The following FAM193A variants were observed in gnomAD, a reference collection of about 807,000 sequenced individuals.
The protein encoded by FAM193A is protein FAM193A.
FAM193A carries 22 observed loss-of-function variants against 126.5 expected under a neutral mutation model. The ratio of observed to expected loss-of-function variants is 0.17; its 90% CI spans 0.12 to 0.25. FAM193A has a LOEUF of 0.25. FAM193A is among the 10% of genes least tolerant of loss of function. FAM193A has a pLI of 1.00. For synonymous variants in FAM193A, 761 were observed against 646.8 expected, an observed-to-expected ratio of 1.18 and a Z score of -2.68; for missense variants, 1,675 against 1,672.8, an observed-to-expected ratio of 1.00 and a Z score of -0.02.
chr4:2,552,066 C>T (rs1737955799), intron 1 of FAM193A, among the ~76,000 whole-genome samples: 1 of 143,522 alleles, frequency 7.0e-6, no homozygotes, highest in African/African-American at 2.6e-5. Flanking sequence ...GCCTGGAGTG[C>T]AGTGGCTGGA....
At chr4:2,577,424 T>TTTTTTTTTTTTG (rs1739660231) in intron 1 of FAM193A, among the ~76,000 whole-genome samples, 1 of 144,424 alleles carries the variant, frequency 6.9e-6, no homozygotes, top group Non-Finnish European at 1.5e-5. Context: ...TTTTTTTTGT[T>TTTTTTTTTTTTG]TTTTTTTTTT....
chr4:2,610,983 C>T (rs771102267), intron 2 of FAM193A, among the ~76,000 whole-genome samples: 4 of 152,030 alleles, frequency 2.6e-5, no homozygotes, highest in Non-Finnish European at 2.9e-5. Flanking sequence ...GTGATCCACT[C>T]GCCTCCGCCT....
chr4:2,541,907 T>C (rs1406708703), intron 1 of FAM193A, among the ~76,000 whole-genome samples: 1 of 151,960 alleles, frequency 6.6e-6, no homozygotes, highest in African/African-American at 2.4e-5. Context: ...CTCGGCTCAC[T>C]GCAACTTCTG....
chr4:2,645,846 T>G (rs1745084427), intron 6 of FAM193A, among the ~76,000 whole-genome samples: 4 of 152,164 alleles, frequency 2.6e-5, no homozygotes, highest in Admixed American at 2.0e-4. Flanking sequence ...CTTAATACAA[T>G]ATAATATAGT....
intron 12 of FAM193A, among the ~76,000 whole-genome samples, chr4:2,669,424 C>T (rs899041194): frequency 3.3e-5 from 5 of 151,952 alleles, no homozygotes; most frequent in Non-Finnish European, 4.4e-5. Flanking sequence ...GCCTAGCCAA[C>T]GTGGTGAAAC....
At chr4:2,706,452 A>G (rs1718322206) in intron 19 of FAM193A, among the ~76,000 whole-genome samples, 1 of 151,640 alleles carries the variant, frequency 6.6e-6, no homozygotes, top group Non-Finnish European at 1.5e-5. Flanking sequence ...ATGCACCACC[A>G]CACCCGGCTA....
rs150727963 is a variant in FAM193A, at chr4:2,631,085, G to A, written c.954G>A (p.Ala318=). 1.0e-4 allele frequency: 165 copies of A among 1,613,714 alleles called. 1 individual carries two copies. The highest frequency in any genetic ancestry group is 1.1e-4 in the Non-Finnish European group (135 of 1,179,994). The change falls in exon 5 of 21, where the codon GCG becomes GCA. Residue 318 remains alanine (A), a synonymous_variant. Transcript: ENST00000637812. ...APSGLQGPPQ[A]HQFISLLLEE... ...CTGGCCTGCAGGGCCCGCCGCAAGC[G>A]CACCAGTTCATCTCCCTCCTGCTTG... is the stretch of plus-strand genomic sequence containing the variant.
At chr4:2,659,048 G>A (rs564542495) in intron 8 of FAM193A, among the ~76,000 whole-genome samples, 1 of 152,238 alleles carries the variant, frequency 6.6e-6, no homozygotes, top group East Asian at 1.9e-4. Context: ...ACCTTTCCCG[G>A]CCATCCCGTC....
chr4:2,549,814 G>C (rs1578573681), intron 1 of FAM193A, among the ~76,000 whole-genome samples: 1 of 151,942 alleles, frequency 6.6e-6, no homozygotes, highest in East Asian at 1.9e-4. Context: ...TGCAACCTCT[G>C]CCTCCTGAGT....
At chr4:2,729,910 G>A (rs1721187123) in intron 20 of FAM193A, among the ~76,000 whole-genome samples, 1 of 150,814 alleles carries the variant, frequency 6.6e-6, no homozygotes, top group African/African-American at 2.4e-5. Context: ...CCACAGCAAG[G>A]CTTTATTATT....
chr4:2,669,622 A>T (rs1713560824), intron 12 of FAM193A, among the ~76,000 whole-genome samples: 2 of 151,572 alleles, frequency 1.3e-5, no homozygotes, highest in Non-Finnish European at 2.9e-5. Flanking sequence ...ATAAATAAAT[A>T]AATAATAAAT....
chr4:2,597,885 C>A (rs1392462065), intron 2 of FAM193A, among the ~76,000 whole-genome samples: 1 of 152,154 alleles, frequency 6.6e-6, no homozygotes, highest in African/African-American at 2.4e-5. Flanking sequence ...TTCCCCCGTC[C>A]TAGCCTCTGG....
At position 2,631,082 on chromosome 4, in the gene FAM193A, A is replaced by G. The variant is rs756724055; in HGVS notation, c.951A>G (p.Gln317=). 8 of 1,613,736 alleles carry G rather than the reference A, an allele frequency of 5.0e-6. No individual in the cohort carries two copies. Among genetic ancestry groups the G allele is most frequent in the African/African-American group, 1.3e-5 (1 of 74,938 alleles). The change falls in exon 5 of 21, where the codon CAA becomes CAG. Residue 317 remains glutamine, a synonymous_variant. Transcript: ENST00000637812. ...KAPSGLQGPP[Q]AHQFISLLLE... ...CATCTGGCCTGCAGGGCCCGCCGCA[A>G]GCGCACCAGTTCATCTCCCTCCTGC... is the stretch of plus-strand genomic sequence containing the variant.
intron 2 of FAM193A, among the ~76,000 whole-genome samples, chr4:2,614,055 G>T (rs1742044515): frequency 1.3e-5 from 2 of 152,220 alleles, no homozygotes; most frequent in Admixed American, 1.3e-4. Flanking sequence ...TTACAGGCCT[G>T]AGCCACCGCA....
At position 2,694,011 on chromosome 4, in the gene FAM193A, C is replaced by G. The variant is rs190862013; in HGVS notation, c.3092+137C>G. On this transcript the variant is annotated intron_variant, in intron 16 of 20. Transcript: ENST00000637812. The stretch of plus-strand genomic sequence containing the variant: ...AAATGCCGAGGGAATGCAGGGATGT[C>G]CCCAGCAGAGGCCATGGGTAGAGGG... 254 of 929,816 alleles carry G rather than the reference C, an allele frequency of 2.7e-4. 2 individuals carry two copies. The highest frequency in any genetic ancestry group is 1.7e-3 in the Admixed American group (62 of 37,372). 57.6% of individuals were successfully genotyped at this position (929,816 alleles called of 1,614,324 possible).
chr4:2,590,619 G>A (rs1323839298), intron 1 of FAM193A, among the ~76,000 whole-genome samples: 6 of 152,042 alleles, frequency 3.9e-5, no homozygotes, highest in Non-Finnish European at 8.8e-5. Context: ...CATTTACTGG[G>A]CGCCTACTGG....
At chr4:2,543,588 G>A (rs1737364649) in intron 1 of FAM193A, among the ~76,000 whole-genome samples, 1 of 151,962 alleles carries the variant, frequency 6.6e-6, no homozygotes, top group Admixed American at 6.6e-5. Flanking sequence ...CGGGCATAGT[G>A]GCTCACGCCT....
rs1244477115 is a variant in FAM193A at position 2,617,260 on chromosome 4, ATATTTTTTT to A, written c.502-8000_502-7992del. 8.5e-5 allele frequency among the ~76,000 whole-genome samples: 3 copies of A among 35,402 alleles called. 1 individual carries two copies. The African/African-American group carries it at 9.3e-4, about 11-fold the overall frequency. 23.2% of individuals were successfully genotyped at this position (35,402 alleles called of 152,430 possible). On this transcript the variant is annotated intron_variant, in intron 2 of 20. Coordinates refer to ENST00000637812, the MANE Select transcript of FAM193A (RefSeq NM_001366318.2). The stretch of plus-strand genomic sequence containing the variant: ...TTTTATTATATATATATATATATAT[ATATTTTTTT>A]TTTTTTTTTTTTTTTGAGATGGAGT...
rs1368728211 is a variant in FAM193A, at chr4:2,690,780, C to G, written c.2613C>G (p.Val871=). 3 of 1,613,840 alleles carry G rather than the reference C, an allele frequency of 1.9e-6. No individual in the cohort carries two copies. Among genetic ancestry groups the G allele is most frequent in the Non-Finnish European group, 2.5e-6 (3 of 1,179,898 alleles). The change falls in exon 15 of 21, where the codon GTC becomes GTG. Residue 871 remains valine (V), a synonymous_variant. Coordinates refer to ENST00000637812, the MANE Select transcript of FAM193A (RefSeq NM_001366318.2). ...CATCTAGCAATGAAACACCTGCAGT[C>G]TCGGATAGTAAAGAGAAAAAGAATG... is the stretch of plus-strand genomic sequence containing the variant. ...PPPSSNETPA[V]SDSKEKKNAA...
Sources: allele counts gnomAD v4.1 joint callset (sites outside exome capture counted in the v4.1 genomes callset), GRCh38; gene constraint gnomAD v4.1.1; transcripts MANE v1.5; gene names NCBI Gene and HGNC (gene_info 2026-07-23, HGNC 2026-07-21).